Variants in LAMA2 observed in about 807,000 individuals in gnomAD.
The protein encoded by LAMA2 is laminin subunit alpha-2.
A neutral mutation model predicts 364.8 loss-of-function variants in LAMA2; 269 were observed. That is an observed-to-expected ratio of 0.74 (90% CI 0.67 to 0.82). The LOEUF is 0.82. Ranked by LOEUF, LAMA2 falls within the 40% of genes least tolerant of loss-of-function variation. The probability of loss-of-function intolerance (pLI) is 0.00; values close to 1 mark genes in which losing one functional copy is unlikely to be tolerated. For synonymous variants in LAMA2, 1,379 were observed against 1,370.6 expected (o/e 1.01, Z -0.14); for missense variants, 3,807 against 3,873.2 (o/e 0.98, Z 0.45).
At chr6:129,204,017 C>G (rs58022382) in intron 12 of LAMA2, among the ~76,000 whole-genome samples, 37 of 152,094 alleles carry the variant, frequency 2.4e-4, no homozygotes, top group African/African-American at 8.5e-4. Flanking sequence ...CAGTAAAAGA[C>G]GTTTGTTAAA....
intron 7 of LAMA2, among the ~76,000 whole-genome samples, chr6:129,151,882 G>GA (rs1778823316): frequency 1.3e-5 from 2 of 151,420 alleles, no homozygotes; most frequent in African/African-American, 2.4e-5. Flanking sequence ...TCTTTCTGAA[G>GA]AAAAAAAAGG....
intron 1 of LAMA2, among the ~76,000 whole-genome samples, chr6:128,961,557 A>G (rs773080150): frequency 6.0e-5 from 9 of 150,218 alleles, no homozygotes; most frequent in Non-Finnish European, 1.2e-4. Flanking sequence ...GTTTGAGGAC[A>G]GGAAGCATCC....
At chr6:129,481,636 T>G (rs140388578) in intron 55 of LAMA2, among the ~76,000 whole-genome samples, 197 bp downstream of exon 55, 19 of 152,312 alleles carry the variant, frequency 1.2e-4, no homozygotes, top group African/African-American at 4.6e-4. Flanking sequence ...CTCTAGGATG[T>G]TCCTGTTGAT....
At chr6:129,370,764 A>T (rs150144059) in intron 34 of LAMA2, among the ~76,000 whole-genome samples, 3 of 152,238 alleles carry the variant, frequency 2.0e-5, no homozygotes, top group South Asian at 2.1e-4. Flanking sequence ...GGGCCATGAC[A>T]GTGAAACGAA....
chr6:129,239,797 T>C (rs1350597289), intron 12 of LAMA2, among the ~76,000 whole-genome samples: 5 of 152,192 alleles, frequency 3.3e-5, no homozygotes, highest in Non-Finnish European at 7.4e-5. Context: ...ATTATAGTTG[T>C]GTGCCACTGC....
chr6:129,427,824 G>A lies in LAMA2; in HGVS notation c.5938G>A (p.Glu1980Lys), dbSNP rs769574222. 15 of 1,613,244 alleles carry A rather than the reference G, an allele frequency of 9.3e-6. No individual in the cohort carries two copies. Among genetic ancestry groups the A allele is most frequent in the Middle Eastern group, 1.6e-4 (1 of 6,082 alleles). Residue 1980 changes from glutamate (E) to lysine (K), a missense_variant, in exon 41 of 65, where the codon GAA (glutamate) becomes AAA (lysine). Physicochemically the swap from Glu to Lys is moderately conservative, Grantham distance 56. Around this residue, in one of 3 missense-constraint regions of LAMA2, gnomAD observed 3,333 missense variants for 3,345.7 expected, o/e 1.00. Coordinates refer to ENST00000421865, the MANE Select transcript of LAMA2 (RefSeq NM_000426.4). The part of the protein sequence containing the change: ...CLQKSFRILN[E>K]AKKLANDVKE... ...TCAGAAAAGCTTCAGGATTCTTAACGAAGCCAAGAAGTTAGCAAATGATGT... is the reference window on the plus strand; with the variant it reads ...TCAGAAAAGCTTCAGGATTCTTAACAAAGCCAAGAAGTTAGCAAATGATGT...
At chr6:129,302,491 C>G (rs962307210) in intron 22 of LAMA2, among the ~76,000 whole-genome samples, 5 of 152,078 alleles carry the variant, frequency 3.3e-5, no homozygotes, top group African/African-American at 9.7e-5. Flanking sequence ...TTTATAAACA[C>G]TAGCTTATTA....
chr6:129,023,594 C>T (rs111882629), intron 1 of LAMA2, among the ~76,000 whole-genome samples: 1 of 152,148 alleles, frequency 6.6e-6, no homozygotes, highest in Non-Finnish European at 1.5e-5. Context: ...TCTCTTACCT[C>T]CATATTTAAT....
At chr6:129,389,704 G>A (rs780771895) in intron 35 of LAMA2, among the ~76,000 whole-genome samples, 4 of 152,192 alleles carry the variant, frequency 2.6e-5, no homozygotes, top group Non-Finnish European at 4.4e-5. Context: ...CAAAGGGAAA[G>A]CAAGGACCTT....
At chr6:128,992,834 T>C (rs943959625) in intron 1 of LAMA2, among the ~76,000 whole-genome samples, 5 of 152,194 alleles carry the variant, frequency 3.3e-5, no homozygotes, top group Non-Finnish European at 5.9e-5. Context: ...ATGATTTTGT[T>C]GTAGGTACGT....
At chr6:129,493,518 G>A (rs1246054037) in intron 58 of LAMA2, among the ~76,000 whole-genome samples, 2 of 152,236 alleles carry the variant, frequency 1.3e-5, no homozygotes, top group East Asian at 3.9e-4. Flanking sequence ...TGTCAAATGA[G>A]GATATTAACA....
intron 1 of LAMA2, among the ~76,000 whole-genome samples, chr6:129,007,088 C>T (rs1024654712): frequency 2.0e-5 from 3 of 152,098 alleles, no homozygotes; most frequent in African/African-American, 7.2e-5. Flanking sequence ...GTGCCTGTTC[C>T]CCATCGTGGC....
At position 129,328,349 on chromosome 6, in the gene LAMA2, C is replaced by G; in HGVS notation, c.4248C>G (p.Thr1416=). The part of the protein sequence containing the change: ...GGRTPGPTLG[T]CVPCQCNGHS... Reference sequence around the variant, plus strand: ...GCACCCCTGGACCAACCCTGGGCACCTGTGTTCCATGTCAATGTAATGGAC... The same window carrying G: ...GCACCCCTGGACCAACCCTGGGCACGTGTGTTCCATGTCAATGTAATGGAC... Residue 1416 remains threonine (T), a synonymous_variant, in exon 29 of 65, where the codon ACC becomes ACG. Transcript: ENST00000421865. The G allele has an allele frequency of 6.2e-7, 1 of 1,614,198 alleles. No individual in the cohort carries two copies. The highest frequency in any genetic ancestry group is 8.5e-7 in the Non-Finnish European group (1 of 1,180,020).
intron 40 of LAMA2, among the ~76,000 whole-genome samples, chr6:129,413,707 A>G (rs1373120794): frequency 6.6e-6 from 1 of 152,198 alleles, no homozygotes; most frequent in Non-Finnish European, 1.5e-5. Context: ...TTTACGAAGT[A>G]TTTAATAACA....
intron 62 of LAMA2, among the ~76,000 whole-genome samples, chr6:129,509,434 A>G (rs894501604): frequency 5.9e-5 from 9 of 152,070 alleles, no homozygotes; most frequent in African/African-American, 1.7e-4. Flanking sequence ...TGCCCATTTC[A>G]ATGTCCTGGA....
intron 34 of LAMA2, among the ~76,000 whole-genome samples, chr6:129,379,033 AG>A (rs1673732453): frequency 6.6e-6 from 1 of 152,260 alleles, no homozygotes; most frequent in Non-Finnish European, 1.5e-5. Context: ...GCCATAAAAA[AG>A]AATGAGTTCA....
intron 35 of LAMA2, among the ~76,000 whole-genome samples, chr6:129,388,268 AC>A (rs1259421166): frequency 3.8e-4 from 57 of 151,444 alleles, no homozygotes; most frequent in Non-Finnish European, 6.5e-4. Flanking sequence ...AAAAAAAAAA[AC>A]AAAAACAAAC....
chr6:129,514,446 G>T lies in LAMA2; in HGVS notation c.9062G>T (p.Cys3021Phe). The change falls in exon 64 of 65, where the codon TGT (cysteine) becomes TTT (phenylalanine). Residue 3021 changes from cysteine to phenylalanine, a missense_variant. By Grantham distance (205) the Cys-to-Phe change is radical (BLOSUM62 -2). This residue lies in a region of LAMA2 where 3,333 missense variants were observed against 3,345.7 expected (regional missense o/e 1.00). Transcript: ENST00000421865. ...GATGCTGGGGTTCCAGGGCATTTGTGTGATGGACAATGGCATAAAGTCACT... is the reference window on the plus strand; with the variant it reads ...GATGCTGGGGTTCCAGGGCATTTGTTTGATGGACAATGGCATAAAGTCACT... ...VYDAGVPGHL[C>F]DGQWHKVTAN... is the part of the protein sequence containing the mutation. 3 of 1,614,084 alleles carry T rather than the reference G, an allele frequency of 1.9e-6. No homozygotes were observed. Among genetic ancestry groups the T allele is most frequent in the Non-Finnish European group, 2.5e-6 (3 of 1,180,000 alleles).
intron 2 of LAMA2, among the ~76,000 whole-genome samples, chr6:129,058,427 C>G (rs377317446): frequency 6.9e-5 from 10 of 144,838 alleles, no homozygotes; most frequent in African/African-American, 2.6e-4. Flanking sequence ...TTTTCTATCT[C>G]TAATCTCCCT....
Sources: allele counts gnomAD v4.1 joint callset (sites outside exome capture counted in the v4.1 genomes callset), GRCh38; gene constraint gnomAD v4.1.1; regional missense constraint gnomAD v4.1.1; transcripts MANE v1.5; gene names NCBI Gene and HGNC (gene_info 2026-07-23, HGNC 2026-07-21).